Variants in UNKL observed in about 807,000 individuals in gnomAD.
UNKL encodes putative E3 ubiquitin-protein ligase UNKL.
UNKL carries 60 observed loss-of-function variants against 78.0 expected under a neutral mutation model. The ratio of observed to expected loss-of-function variants is 0.77; its 90% CI spans 0.63 to 0.95. The LOEUF (loss-of-function observed/expected upper bound fraction) is 0.95, where lower values mean the gene tolerates loss of function less well. Among genes scored for constraint, UNKL ranks in the 40% least tolerant of loss-of-function variants. The probability of loss-of-function intolerance (pLI) is 0.00; values close to 1 mark genes in which losing one functional copy is unlikely to be tolerated. For synonymous variants in UNKL, 608 were observed against 474.8 expected (o/e 1.28, Z -3.65); for missense variants, 1,159 against 1,045.7 (o/e 1.11, Z -1.49).
chr16:1,410,488 T>A (rs1012858339), intron 2 of UNKL, among the ~76,000 whole-genome samples: 7 of 151,970 alleles, frequency 4.6e-5, no homozygotes, highest in Non-Finnish European at 1.0e-4. Flanking sequence ...ATGCCTGTAA[T>A]CCCAGCTACT....
intron 5 of UNKL, chr16:1,398,332 T>C (rs2037365653): frequency 9.9e-7 from 1 of 1,005,420 alleles, no homozygotes; most frequent in Non-Finnish European, 1.2e-6. Context: ...TTATTGTAAC[T>C]GATTTGTATT....
At chr16:1,367,439 C>G in intron 13 of UNKL, 90 bp from the exon 14 acceptor site, 1 of 1,465,942 alleles carries the variant, frequency 6.8e-7, no homozygotes. Flanking sequence ...CCTCCCCTCC[C>G]CTCCCCAGCA....
intron 5 of UNKL, among the ~76,000 whole-genome samples, chr16:1,397,926 C>G (rs143952548): frequency 4.6e-5 from 7 of 152,248 alleles, no homozygotes; most frequent in African/African-American, 1.7e-4. Context: ...CCTGGAGTGA[C>G]AGGCAACGCA....
chr16:1,395,847 C>A (rs1048342843), intron 6 of UNKL: 1 of 435,272 alleles, frequency 2.3e-6, no homozygotes, highest in Admixed American at 2.4e-5. Context: ...TCACCGACAC[C>A]CAGAAAGCAT....
rs374080994 is a variant in UNKL at position 1,385,281 on chromosome 16, G to T, written c.1191C>A (p.Pro397=). Reference sequence around the variant, plus strand: ...GGGCGGGGGGCGCGGGCAGCGCAGTGGGGGAGGAGCTGCCGGAGCCGGCGC... The same window carrying T: ...GGGCGGGGGGCGCGGGCAGCGCAGTTGGGGAGGAGCTGCCGGAGCCGGCGC... ...ASSAGSGSSS[P]TALPAPPARA... The change falls in exon 10 of 15, where the codon CCC becomes CCA. Residue 397 remains proline (P), a synonymous_variant. Coordinates refer to ENST00000389221, the MANE Select transcript of UNKL (RefSeq NM_001372107.1). 1.8e-5 allele frequency: 25 copies of T among 1,366,208 alleles called. No individual in the cohort carries two copies. Among genetic ancestry groups the T allele is most frequent in the Middle Eastern group, 2.6e-4 (1 of 3,790 alleles). 84.6% of individuals were successfully genotyped at this position (1,366,208 alleles called of 1,614,324 possible).
chr16:1,370,813 C>G (rs552544401), intron 11 of UNKL, among the ~76,000 whole-genome samples: 46 of 152,164 alleles, frequency 3.0e-4, no homozygotes, highest in South Asian at 1.9e-3. Context: ...GCCGGGCGCA[C>G]TGGCTCACGC....
intron 6 of UNKL, 35 bp downstream of exon 6, chr16:1,397,143 G>C: frequency 6.5e-7 from 1 of 1,539,270 alleles, no homozygotes; most frequent in Non-Finnish European, 8.8e-7. Flanking sequence ...GGACCTTCCA[G>C]CGACCCCTAC....
chr16:1,395,899 G>A (rs556809590), intron 6 of UNKL: 10 of 398,966 alleles, frequency 2.5e-5, no homozygotes, highest in Admixed American at 1.9e-4. Context: ...ACGACGGGAA[G>A]CAGCGCCTGG....
Position 1,390,709 on chromosome 16 carries a change from A to G in UNKL, c.1024-15T>C. 2 of 1,535,962 alleles carry G rather than the reference A, an allele frequency of 1.3e-6. No individual in the cohort carries two copies. Among genetic ancestry groups the G allele is most frequent in the Admixed American group, 3.9e-5 (2 of 50,988 alleles). On this transcript the variant is annotated splice_polypyrimidine_tract_variant and intron_variant, in intron 8 of 14. Coordinates refer to ENST00000389221, the MANE Select transcript of UNKL (RefSeq NM_001372107.1). Reference sequence around the variant, plus strand: ...CTCCGCTTGGCCTGCAACATAAAAAACAGTCATATGTGGAAAAAGCAGGGA... The same window carrying G: ...CTCCGCTTGGCCTGCAACATAAAAAGCAGTCATATGTGGAAAAAGCAGGGA...
chr16:1,368,054 G>T (rs1045678554), intron 12 of UNKL, 196 bp from the exon 13 acceptor site: 11 of 600,368 alleles, frequency 1.8e-5, no homozygotes, highest in Non-Finnish European at 3.3e-5. Flanking sequence ...GGCGCTGACA[G>T]TGACACCTGC....
intron 6 of UNKL, 128 bp downstream of exon 6, chr16:1,397,049 TC>T: frequency 9.8e-7 from 1 of 1,019,010 alleles, no homozygotes; most frequent in South Asian, 1.5e-5. Context: ...CCCCCAGGCT[TC>T]CCGACCTGTG....
At chr16:1,396,935 G>A in intron 6 of UNKL, 1 of 530,536 alleles carries the variant, frequency 1.9e-6, no homozygotes, top group Non-Finnish European at 3.4e-6. Flanking sequence ...TTTCCCACAT[G>A]ACTCTTTCTT....
chr16:1,396,946 C>CT (rs909942531), intron 6 of UNKL: 38 of 546,614 alleles, frequency 7.0e-5, no homozygotes, highest in African/African-American at 6.1e-4. Context: ...ACTCTTTCTT[C>CT]TGTTACAGGC....
chr16:1,388,803 G>A (rs888542937), intron 9 of UNKL, among the ~76,000 whole-genome samples: 2 of 151,858 alleles, frequency 1.3e-5, no homozygotes, highest in Admixed American at 6.6e-5. Flanking sequence ...TGAGGACACC[G>A]CACCTCCGCT....
At position 1,366,056 on chromosome 16, in the gene UNKL, T is replaced by A; in HGVS notation, c.*184A>T. 1.6e-6 allele frequency: 1 copy of A among 625,246 alleles called. No individual in the cohort carries two copies. 38.7% of individuals were successfully genotyped at this position (625,246 alleles called of 1,614,324 possible). On this transcript the variant is annotated 3_prime_UTR_variant, in exon 15 of 15. Coordinates refer to ENST00000389221, the MANE Select transcript of UNKL (RefSeq NM_001372107.1). ...GTAGGACTAGATAGGTGACAACGTG[T>A]GACAGGAAAGGCTGTCAGGCCAAGC...
chr16:1,398,556 G>A, intron 5 of UNKL: 1 of 1,370,820 alleles, frequency 7.3e-7, no homozygotes, highest in Non-Finnish European at 9.4e-7. Context: ...GGGCATGCGA[G>A]GCAGCACCAG....
rs563233607 is a variant in UNKL at position 1,383,476 on chromosome 16, G to A, written c.1264+1732C>T. Reference sequence around the variant, plus strand: ...CTGGGTGCTTGGGGGACTGAGGACCGTCCTGGGGCCTCAGGAGCTGCACCT... The same window carrying A: ...CTGGGTGCTTGGGGGACTGAGGACCATCCTGGGGCCTCAGGAGCTGCACCT... On this transcript the variant is annotated intron_variant, in intron 10 of 14. Transcript: ENST00000389221. 71 of 252,570 alleles carry A rather than the reference G, an allele frequency of 2.8e-4. 1 individual carries two copies. The highest frequency in any genetic ancestry group is 1.7e-3 in the East Asian group (18 of 10,800). The allele number at this position is 252,570 out of a possible 1,614,324, so 15.6% of individuals were successfully genotyped here.
At chr16:1,366,492 G>C (rs1381904433) in intron 14 of UNKL, 97 bp from the exon 15 acceptor site, 15 of 1,392,414 alleles carry the variant, frequency 1.1e-5, no homozygotes, top group Non-Finnish European at 1.4e-5. Context: ...CAGCATCTCA[G>C]GCCGCCCGGC....
intron 10 of UNKL, among the ~76,000 whole-genome samples, chr16:1,384,890 A>C (rs567686659): frequency 6.6e-6 from 1 of 151,466 alleles, no homozygotes; most frequent in South Asian, 2.1e-4. Context: ...GCCAACTCCC[A>C]CAACTCCCAT....
Sources: allele counts gnomAD v4.1 joint callset (sites outside exome capture counted in the v4.1 genomes callset), GRCh38; gene constraint gnomAD v4.1.1; transcripts MANE v1.5; gene names NCBI Gene and HGNC (gene_info 2026-07-23, HGNC 2026-07-21).